Variants in VWC2L observed in about 807,000 individuals in gnomAD.
VWC2L encodes von Willebrand factor C domain-containing protein 2-like.
In VWC2L, 10 loss-of-function variants were observed where a neutral mutation model predicts 21.6. The observed-to-expected ratio is 0.46, with a 90% CI of 0.29 to 0.78. VWC2L has a LOEUF of 0.78. Among genes scored for constraint, VWC2L ranks in the 30% least tolerant of loss-of-function variants. The probability of loss-of-function intolerance (pLI) is 0.10; values close to 1 mark genes in which losing one functional copy is unlikely to be tolerated. For missense variants in VWC2L, 209 were observed against 277.1 expected (o/e 0.75, Z 1.74); for synonymous variants, 96 against 94.3 (o/e 1.02, Z -0.10).
intron 3 of VWC2L, among the ~76,000 whole-genome samples, chr2:214,438,401 C>G (rs1398128775): frequency 2.0e-5 from 3 of 149,256 alleles, no homozygotes. Context: ...TTTTTTTTTT[C>G]TTTTTTTCCC....
chr2:214,447,479 C>A (rs1426846936), intron 3 of VWC2L, among the ~76,000 whole-genome samples: 1 of 152,186 alleles, frequency 6.6e-6, no homozygotes, highest in Non-Finnish European at 1.5e-5. Flanking sequence ...CACTTCTTCA[C>A]TTCACATCAG....
intron 3 of VWC2L, among the ~76,000 whole-genome samples, chr2:214,517,661 T>A (rs1410421706): frequency 1.3e-5 from 2 of 151,744 alleles, no homozygotes; most frequent in Admixed American, 1.3e-4. Flanking sequence ...AGCAAATAAA[T>A]GAACACAAAA....
At chr2:214,515,429 G>A (rs1020532393) in intron 3 of VWC2L, among the ~76,000 whole-genome samples, 4 of 152,198 alleles carry the variant, frequency 2.6e-5, no homozygotes, top group Non-Finnish European at 5.9e-5. Flanking sequence ...GTGTGCGGCT[G>A]TATCACAGCA....
rs150003452 is a variant in VWC2L, at chr2:214,568,887, T to C, written c.521-6785T>C. Among the ~76,000 whole-genome samples, 593 of 152,300 alleles carry C rather than the reference T, an allele frequency of 3.9e-3. 1 individual carries two copies. The highest frequency in any genetic ancestry group is 6.2e-3 in the Non-Finnish European group (420 of 68,018). On this transcript the variant is annotated intron_variant, in intron 3 of 3. Coordinates refer to ENST00000312504, the MANE Select transcript of VWC2L (RefSeq NM_001080500.4). ...CCTGGTATCTTAATCCTATTGCATG[T>C]GACCCTGGTCTCCTAAGGGACCCCA...
chr2:214,494,749 C>T (rs1317846906), intron 3 of VWC2L, among the ~76,000 whole-genome samples: 1 of 151,950 alleles, frequency 6.6e-6, no homozygotes, highest in African/African-American at 2.4e-5. Context: ...AAATGTTACA[C>T]AACTGTGTTT....
chr2:214,546,307 A>C (rs1325313822), intron 3 of VWC2L, among the ~76,000 whole-genome samples: 1 of 152,110 alleles, frequency 6.6e-6, no homozygotes, highest in Admixed American at 6.6e-5. Context: ...TTTGATTTCC[A>C]TATGCTCATT....
intron 3 of VWC2L, among the ~76,000 whole-genome samples, chr2:214,440,990 C>T (rs930268309): frequency 6.6e-6 from 1 of 152,040 alleles, no homozygotes; most frequent in Non-Finnish European, 1.5e-5. Context: ...AAAGACAGAA[C>T]GCTCCCACAA....
At chr2:214,573,229 C>CTAAACA (rs1690178117) in intron 3 of VWC2L, among the ~76,000 whole-genome samples, 1 of 151,966 alleles carries the variant, frequency 6.6e-6, no homozygotes, top group Non-Finnish European at 1.5e-5. Flanking sequence ...TAGCATGTCT[C>CTAAACA]TACACATACA....
At chr2:214,478,308 G>A (rs1178620946) in intron 3 of VWC2L, among the ~76,000 whole-genome samples, 2 of 152,102 alleles carry the variant, frequency 1.3e-5, no homozygotes, top group Middle Eastern at 3.4e-3. Flanking sequence ...GTGAAACCCC[G>A]TCTCTATTAA....
At chr2:214,562,316 C>T (rs1206012333) in intron 3 of VWC2L, among the ~76,000 whole-genome samples, 5 of 152,130 alleles carry the variant, frequency 3.3e-5, no homozygotes, top group South Asian at 2.1e-4. Context: ...CTGCAAAAGA[C>T]GTGATGTCAT....
At chr2:214,510,683 C>T (rs993281883) in intron 3 of VWC2L, among the ~76,000 whole-genome samples, 1 of 152,150 alleles carries the variant, frequency 6.6e-6, no homozygotes, top group Non-Finnish European at 1.5e-5. Context: ...CTCCAGTCAG[C>T]CAGAATCTCA....
At chr2:214,539,239 A>G (rs562911420) in intron 3 of VWC2L, among the ~76,000 whole-genome samples, 45 of 152,294 alleles carry the variant, frequency 3.0e-4, no homozygotes, top group Middle Eastern at 3.4e-3. Context: ...GCAACAACGC[A>G]TAACCCAATT....
At chr2:214,534,556 C>T (rs1392990280) in intron 3 of VWC2L, among the ~76,000 whole-genome samples, 1 of 152,054 alleles carries the variant, frequency 6.6e-6, no homozygotes, top group African/African-American at 2.4e-5. Context: ...CTGGGAGCAT[C>T]ATCTATTCAC....
At chr2:214,489,117 C>T (rs1373862838) in intron 3 of VWC2L, among the ~76,000 whole-genome samples, 1 of 152,092 alleles carries the variant, frequency 6.6e-6, no homozygotes, top group Non-Finnish European at 1.5e-5. Flanking sequence ...TAACCAGAGG[C>T]CTGTTTTGGG....
chr2:214,542,999 A>G (rs1689651593), intron 3 of VWC2L, among the ~76,000 whole-genome samples: 1 of 152,200 alleles, frequency 6.6e-6, no homozygotes, highest in South Asian at 2.1e-4. Context: ...GATAGTTCTC[A>G]TGAAAAAATC....
chr2:214,566,086 T>C (rs1004570703), intron 3 of VWC2L, among the ~76,000 whole-genome samples: 117 of 152,170 alleles, frequency 7.7e-4, no homozygotes, highest in African/African-American at 2.7e-3. Context: ...CATTAAAAGA[T>C]CTAACAAGGT....
At chr2:214,477,565 T>C (rs1265511619) in intron 3 of VWC2L, among the ~76,000 whole-genome samples, 1 of 152,170 alleles carries the variant, frequency 6.6e-6, no homozygotes, top group East Asian at 1.9e-4. Context: ...AGTTTGGGAG[T>C]GCGTAGAGCA....
chr2:214,527,358 T>C lies in VWC2L; in HGVS notation c.521-48314T>C, dbSNP rs150322237. Among the ~76,000 whole-genome samples the C allele has an allele frequency of 9.7e-3, 1,472 of 152,134 alleles. 13 individuals carry two copies. The highest frequency in any genetic ancestry group is 0.013 in the Non-Finnish European group (875 of 67,966). On this transcript the variant is annotated intron_variant, in intron 3 of 3. Transcript: ENST00000312504. ...ACCTCAGTATCATGCAATATACCCATGTAATAATCCTGCACATGTACCCCC... is the reference window on the plus strand; with the variant it reads ...ACCTCAGTATCATGCAATATACCCACGTAATAATCCTGCACATGTACCCCC...
intron 3 of VWC2L, among the ~76,000 whole-genome samples, chr2:214,509,152 CT>C (rs2105904757): frequency 6.6e-6 from 1 of 152,322 alleles, no homozygotes; most frequent in Non-Finnish European, 1.5e-5. Flanking sequence ...CACTTCCCCA[CT>C]TTCACACTGG....
Sources: allele counts gnomAD v4.1 joint callset (sites outside exome capture counted in the v4.1 genomes callset), GRCh38; gene constraint gnomAD v4.1.1; transcripts MANE v1.5; gene names NCBI Gene and HGNC (gene_info 2026-07-23, HGNC 2026-07-21).